The following FN1 variants were observed in gnomAD, a reference collection of about 807,000 sequenced individuals.
The protein encoded by FN1 is fibronectin.
In FN1, 106 loss-of-function variants were observed where a neutral mutation model predicts 297.3. That is an observed-to-expected ratio of 0.36 (90% CI 0.30 to 0.42). The LOEUF (loss-of-function observed/expected upper bound fraction) is 0.42. Ranked by LOEUF, FN1 falls within the 10% of genes least tolerant of loss-of-function variation. The pLI, the probability that FN1 is intolerant of heterozygous loss-of-function variation, is 1.00. For missense variants in FN1, 2,690 were observed against 3,124.9 expected (o/e 0.86, Z 3.32); for synonymous variants, 1,149 against 1,152.6 (o/e 1.00, Z 0.06).
At chr2:215,365,778 ATTTAT>A (rs2054415169) in intron 42 of FN1, 148 bp from the exon 43 acceptor site, 2 of 428,190 alleles carry the variant, frequency 4.7e-6, no homozygotes, top group South Asian at 5.4e-5. Context: ...ATAATGGGCC[ATTTAT>A]TTTATTTATT....
In FN1 at chr2:215,420,165, C is replaced by G. The variant is rs570532771; in HGVS notation, c.1675+508G>C. Among the ~76,000 whole-genome samples, 149 of 152,146 alleles carry G rather than the reference C, an allele frequency of 9.8e-4. 1 individual carries two copies. Among genetic ancestry groups the G allele is most frequent in the African/African-American group, 3.5e-3 (145 of 41,512 alleles). On this transcript the variant is annotated intron_variant, in intron 11 of 45. Coordinates refer to ENST00000354785, the MANE Select transcript of FN1 (RefSeq NM_212482.4). ...GACCAGCCTGACCCACATGGAGAAA[C>G]CCCATCTCTACTAAAGATACAAAAT...
At chr2:215,424,545 C>T (rs2065003631) in intron 7 of FN1, among the ~76,000 whole-genome samples, 1 of 150,978 alleles carries the variant, frequency 6.6e-6, no homozygotes, top group South Asian at 2.1e-4. Context: ...TGATGTCCTT[C>T]ATGACCACTT....
intron 2 of FN1, among the ~76,000 whole-genome samples, chr2:215,433,910 T>A (rs1043271740): frequency 6.6e-6 from 1 of 152,218 alleles, no homozygotes; most frequent in Non-Finnish European, 1.5e-5. Flanking sequence ...GAGACCACCC[T>A]GACCAATACG....
Position 215,393,089 on chromosome 2 carries a change from G to C in FN1, c.3911C>G (p.Ala1304Gly). The part of the protein sequence containing the change: ...TIIGYRITVV[A>G]AGEGIPIFED... ...AAAAATAGGGATACCTTCTCCTGCC[G>C]CAACTACTGTGATGCGGTACCCAAT... Residue 1304 changes from alanine to glycine, a missense_variant, in exon 25 of 46, where the codon GCG (alanine) becomes GGG (glycine). Ala to Gly is a moderately conservative substitution (Grantham distance 60). Around this residue, in one of 3 missense-constraint regions of FN1, gnomAD observed 1,743 missense variants for 1,945.2 expected, o/e 0.90. Coordinates refer to ENST00000354785, the MANE Select transcript of FN1 (RefSeq NM_212482.4). 6.2e-7 allele frequency: 1 copy of C among 1,614,040 alleles called. No homozygotes were observed. Among genetic ancestry groups the C allele is most frequent in the African/African-American group, 1.3e-5 (1 of 74,986 alleles).
intron 14 of FN1, 90 bp from the exon 15 acceptor site, chr2:215,409,829 T>G (rs2062331275): frequency 6.3e-7 from 1 of 1,588,894 alleles, no homozygotes; most frequent in Admixed American, 1.7e-5. Flanking sequence ...AAAACGTTGG[T>G]GCCCCTCCTG....
intron 44 of FN1, chr2:215,364,590 T>C (rs2054160218): frequency 2.0e-6 from 1 of 501,902 alleles, no homozygotes; most frequent in Admixed American, 3.2e-5. Flanking sequence ...TCTAACATCA[T>C]ATAAATGACA....
chr2:215,386,204 G>C (rs2058961047), intron 28 of FN1, among the ~76,000 whole-genome samples: 1 of 150,128 alleles, frequency 6.7e-6, no homozygotes, highest in Non-Finnish European at 1.5e-5. Context: ...AGCCTCCCCA[G>C]TAGCTGGGAT....
At chr2:215,386,076 CTT>C (rs571159227) in intron 28 of FN1, among the ~76,000 whole-genome samples, 33 of 109,372 alleles carry the variant, frequency 3.0e-4, no homozygotes, top group African/African-American at 2.1e-4. Context: ...GCGCCTGGCC[CTT>C]TTTTTTTTTT....
At chr2:215,373,480 C>T in intron 38 of FN1, 69 bp from the exon 39 acceptor site, 1 of 1,277,934 alleles carries the variant, frequency 7.8e-7, no homozygotes, top group South Asian at 1.2e-5. Context: ...TCGGTCTCAC[C>T]AGCAGACGCT....
In FN1 at chr2:215,370,436, C is replaced by T. The variant is rs1254572947; in HGVS notation, c.6715-4G>A. The T allele has an allele frequency of 1.9e-6, 3 of 1,608,466 alleles. No individual in the cohort carries two copies. Among genetic ancestry groups the T allele is most frequent in the Admixed American group, 1.7e-5 (1 of 59,588 alleles). On this transcript the variant is annotated splice_region_variant and splice_polypyrimidine_tract_variant and intron_variant, in intron 40 of 45. Coordinates refer to ENST00000354785, the MANE Select transcript of FN1 (RefSeq NM_212482.4). ...TAGAAGTTCCAGGAACCCTGAACTG[C>T]AATTATCGGTACATCCAAAGCAGAG...
rs1221353152 is a variant in FN1 at position 215,406,301 on chromosome 2, A to T, written c.2923T>A (p.Phe975Ile). The T allele has an allele frequency of 7.4e-6, 12 of 1,614,074 alleles. No individual in the cohort carries two copies. ...TGLSPGVTYY[F>I]KVFAVSHGRE... ...CCATGGCTCACTGCAAAGACTTTGA[A>T]GTAATAGGTGACCCCAGGGGACAGC... Residue 975 changes from phenylalanine (F) to isoleucine (I), a missense_variant, in exon 19 of 46, where the codon TTC (phenylalanine) becomes ATC (isoleucine). Around this residue, in one of 3 missense-constraint regions of FN1, gnomAD observed 1,743 missense variants for 1,945.2 expected, o/e 0.90. Coordinates refer to ENST00000354785, the MANE Select transcript of FN1 (RefSeq NM_212482.4).
In FN1 at chr2:215,408,409, T is replaced by C; in HGVS notation, c.2317A>G (p.Thr773Ala). 6.2e-7 allele frequency: 1 copy of C among 1,614,142 alleles called. No individual in the cohort carries two copies. Among genetic ancestry groups the C allele is most frequent in the African/African-American group, 1.3e-5 (1 of 75,030 alleles). ...AGCAGGTCAGGGATGTTCACAGAAG[T>C]GGCTGTGCTTGGAAGATCTTTGAAA... The part of the protein sequence containing the change: ...PQYLDLPSTA[T>A]SVNIPDLLPG... Residue 773 changes from threonine to alanine, a missense_variant, in exon 16 of 46, where the codon ACT (threonine) becomes GCT (alanine). Thr to Ala is a moderately conservative substitution (Grantham distance 58). This residue lies in a region of FN1 where 876 missense variants were observed against 1,058.1 expected (regional missense o/e 0.83). Coordinates refer to ENST00000354785, the MANE Select transcript of FN1 (RefSeq NM_212482.4).
chr2:215,361,844 TAA>T (rs532983594), intron 45 of FN1, 123 bp downstream of exon 45: 171 of 1,345,352 alleles, frequency 1.3e-4, no homozygotes, highest in Admixed American at 2.7e-4. Flanking sequence ...GTGTTTCACT[TAA>T]GTCATTTATG....
rs148247268 is a variant in FN1, at chr2:215,434,432, A to G, written c.277+264T>C. On this transcript the variant is annotated intron_variant, in intron 2 of 45. Coordinates refer to ENST00000354785, the MANE Select transcript of FN1 (RefSeq NM_212482.4). ...AATTTTTTTTGTCGGAGGACACACA[A>G]AATCTTTCATTTTTCTCATCAAAAA... 3.5e-4 allele frequency among the ~76,000 whole-genome samples: 54 copies of G among 152,338 alleles called. No individual in the cohort carries two copies. The East Asian group carries it at 0.01, about 29-fold the overall frequency.
At chr2:215,389,522 A>G (rs1469541464) in intron 26 of FN1, among the ~76,000 whole-genome samples, 1 of 151,332 alleles carries the variant, frequency 6.6e-6, no homozygotes, top group Non-Finnish European at 1.5e-5. Flanking sequence ...ACAAACCTAG[A>G]TGGGCTTGTA....
rs10498037 is a variant in FN1, at chr2:215,365,493, G to A, written c.7144+12C>T. Reference sequence around the variant, plus strand: ...CTTAATAAGGCACTAAAAATGATCTGTGATGACATACGAGGGTCACACTTG... The same window carrying A: ...CTTAATAAGGCACTAAAAATGATCTATGATGACATACGAGGGTCACACTTG... On this transcript the variant is annotated intron_variant, in intron 43 of 45. Transcript: ENST00000354785. The A allele has an allele frequency of 2.0e-5, 32 of 1,613,288 alleles. No homozygotes were observed. The highest frequency in any genetic ancestry group is 2.5e-5 in the Non-Finnish European group (30 of 1,179,498).
At chr2:215,419,962 G>C (rs2063991597) in intron 11 of FN1, among the ~76,000 whole-genome samples, 1 of 152,180 alleles carries the variant, frequency 6.6e-6, no homozygotes, top group African/African-American at 2.4e-5. Context: ...TAAAGAAATA[G>C]TAATGGATCA....
At chr2:215,385,015 CA>C in intron 28 of FN1, 39 bp from the exon 29 acceptor site, 1 of 1,325,908 alleles carries the variant, frequency 7.5e-7, no homozygotes, top group Non-Finnish European at 1.1e-6. Flanking sequence ...CCGTAATTTT[CA>C]AACAATATTC....
intron 32 of FN1, chr2:215,381,368 C>T (rs759067641): frequency 4.9e-5 from 22 of 448,490 alleles, no homozygotes; most frequent in African/African-American, 2.2e-4. Context: ...TATTCTACCA[C>T]GATTTGATTT....
Sources: allele counts gnomAD v4.1 joint callset (sites outside exome capture counted in the v4.1 genomes callset), GRCh38; gene constraint gnomAD v4.1.1; regional missense constraint gnomAD v4.1.1; transcripts MANE v1.5; gene names NCBI Gene and HGNC (gene_info 2026-07-23, HGNC 2026-07-21).